Variants in IL17RD observed in about 807,000 individuals in gnomAD.
IL17RD encodes the protein interleukin-17 receptor D.
Under a neutral mutation model 80.5 loss-of-function variants are expected in IL17RD, and 52 were observed. The ratio of observed to expected loss-of-function variants is 0.65; its 90% CI spans 0.52 to 0.81. The LOEUF (loss-of-function observed/expected upper bound fraction) is 0.81. Among genes scored for constraint, IL17RD ranks in the 40% least tolerant of loss-of-function variants. IL17RD has a pLI of 0.00. For synonymous variants in IL17RD, 416 were observed against 391.8 expected (o/e 1.06, Z -0.73); for missense variants, 1,024 against 955.1 (o/e 1.07, Z -0.95).
chr3:57,100,195 T>C (rs1292072870), intron 11 of IL17RD, among the ~76,000 whole-genome samples: 2 of 152,238 alleles, frequency 1.3e-5, no homozygotes, highest in Non-Finnish European at 2.9e-5. Flanking sequence ...TGCCATTGGC[T>C]AGAGTGTAGT....
Position 57,106,004 on chromosome 3 carries a change from C to T in IL17RD, c.600G>A (p.Trp200Ter), listed in dbSNP as rs727505366. The change falls in exon 7 of 13, where the codon TGG becomes TGA. Residue 200 changes from tryptophan to a stop codon, truncating the protein, a stop_gained. Transcript: ENST00000296318. LOFTEE classifies it high-confidence loss of function. The part of the protein sequence containing the change: ...QPDNLACKPF[W>*]KPRNLNISQH... The stretch of plus-strand genomic sequence containing the variant: ...GGCTGATGTTCAGGTTCCGAGGCTT[C>T]CAGACTGGAAGAAGGTAGGACCCAG... The T allele has an allele frequency of 6.2e-7, 1 of 1,613,786 alleles. No homozygotes were observed. The highest frequency in any genetic ancestry group is 1.7e-5 in the Admixed American group (1 of 59,994).
At chr3:57,102,122 G>T (rs1216635065) in intron 10 of IL17RD, among the ~76,000 whole-genome samples, 1 of 152,078 alleles carries the variant, frequency 6.6e-6, no homozygotes, top group Non-Finnish European at 1.5e-5. Flanking sequence ...TTTAAAATTA[G>T]CCAGGCATGG....
chr3:57,095,800 A>C lies in IL17RD; in HGVS notation c.*593T>G, dbSNP rs1187127552. 6.5e-6 allele frequency: 1 copy of C among 153,156 alleles called. No homozygotes were observed. Among genetic ancestry groups the C allele is most frequent in the Non-Finnish European group, 1.5e-5 (1 of 68,754 alleles). The allele number at this position is 153,156 out of a possible 1,614,324, so 9.5% of individuals were successfully genotyped here. On this transcript the variant is annotated 3_prime_UTR_variant, in exon 13 of 13. Transcript: ENST00000296318. ...AGTCATGCCACCCAGTAACACAGAG[A>C]CTCATTTCATAAAAGGTGACTGTAT...
At chr3:57,145,729 A>C (rs1318293927) in intron 1 of IL17RD, among the ~76,000 whole-genome samples, 2 of 152,162 alleles carry the variant, frequency 1.3e-5, no homozygotes, top group Admixed American at 6.5e-5. Context: ...CACCTCAATA[A>C]AAATAATAGT....
chr3:57,120,381 G>A (rs1158804922), intron 1 of IL17RD, 68 bp from the exon 2 acceptor site: 1 of 1,113,936 alleles, frequency 9.0e-7, no homozygotes. Context: ...AAGCCCCATG[G>A]AGTCCAAATG....
Position 57,098,052 on chromosome 3 carries a change from G to A in IL17RD, c.1651C>T (p.Gln551Ter), listed in dbSNP as rs569976798. 4 of 1,613,898 alleles carry A rather than the reference G, an allele frequency of 2.5e-6. No individual in the cohort carries two copies. The highest frequency in any genetic ancestry group is 3.4e-6 in the Non-Finnish European group (4 of 1,179,910). ...CAGTCGGGCTCCTCGTCAATAAACT[G>A]GTGCATGTTGCAAATGGCGACGTAT... is the stretch of plus-strand genomic sequence containing the variant. ...SLYVAICNMH[Q>*]FIDEEPDWFE... The change falls in exon 12 of 13, where the codon CAG becomes TAG. Residue 551 changes from glutamine (Q) to a stop codon, truncating the protein, a stop_gained. Coordinates refer to ENST00000296318, the MANE Select transcript of IL17RD (RefSeq NM_017563.5). LOFTEE classifies it high-confidence loss of function.
intron 1 of IL17RD, among the ~76,000 whole-genome samples, chr3:57,152,825 G>A (rs2060236767): frequency 6.6e-6 from 1 of 152,148 alleles, no homozygotes. Context: ...CTGACTTGGA[G>A]GATACGTTTT....
chr3:57,114,616 G>A (rs140096857), intron 3 of IL17RD, 76 bp downstream of exon 3: 91 of 1,393,372 alleles, frequency 6.5e-5, no homozygotes, highest in Middle Eastern at 5.6e-4. Context: ...GGTTCCTGGA[G>A]ACCATCATGT....
At chr3:57,114,014 T>C (rs1184488839) in intron 3 of IL17RD, among the ~76,000 whole-genome samples, 1 of 151,746 alleles carries the variant, frequency 6.6e-6, no homozygotes, top group Non-Finnish European at 1.5e-5. Flanking sequence ...TGAAACCCCA[T>C]CTCTACTAAA....
chr3:57,134,597 GCAGGCTGAC>G (rs1033298086), intron 1 of IL17RD: 2 of 1,119,984 alleles, frequency 1.8e-6, no homozygotes, highest in Non-Finnish European at 2.7e-6. Context: ...ACAAGAAGCT[GCAGGCTGAC>G]CAGGCTAAGG....
intron 1 of IL17RD, among the ~76,000 whole-genome samples, chr3:57,152,490 C>T (rs566214760): frequency 5.3e-5 from 8 of 152,358 alleles, no homozygotes; most frequent in Admixed American, 6.5e-5. Flanking sequence ...GCTGAACAAA[C>T]GCCCGGCACA....
At chr3:57,124,688 T>C (rs1489484387) in intron 1 of IL17RD, among the ~76,000 whole-genome samples, 2 of 152,194 alleles carry the variant, frequency 1.3e-5, no homozygotes, top group Non-Finnish European at 2.9e-5. Context: ...AGAACTATAA[T>C]AAGACAATAA....
intron 10 of IL17RD, among the ~76,000 whole-genome samples, chr3:57,101,763 C>T (rs1706836557): frequency 6.6e-6 from 1 of 152,136 alleles, no homozygotes; most frequent in Non-Finnish European, 1.5e-5. Flanking sequence ...AAGTAAAGTA[C>T]ATAAATCTTA....
chr3:57,121,375 G>A (rs991078418), intron 1 of IL17RD, among the ~76,000 whole-genome samples: 1 of 152,134 alleles, frequency 6.6e-6, no homozygotes, highest in African/African-American at 2.4e-5. Flanking sequence ...TCTTCACGCT[G>A]CTTATCCTGA....
At chr3:57,151,101 T>C (rs568402958) in intron 1 of IL17RD, among the ~76,000 whole-genome samples, 2 of 152,364 alleles carry the variant, frequency 1.3e-5, no homozygotes, top group African/African-American at 2.4e-5. Flanking sequence ...CATTCATTAC[T>C]ATGCTATTCA....
chr3:57,121,464 G>C (rs1707336128), intron 1 of IL17RD, among the ~76,000 whole-genome samples: 1 of 152,028 alleles, frequency 6.6e-6, no homozygotes, highest in African/African-American at 2.4e-5. Flanking sequence ...GGGCAGAGAG[G>C]GGCACATGGA....
At position 57,096,430 on chromosome 3, in the gene IL17RD, C is replaced by A; in HGVS notation, c.2183G>T (p.Ser728Ile). 6.2e-7 allele frequency: 1 copy of A among 1,613,992 alleles called. No individual in the cohort carries two copies. The highest frequency in any genetic ancestry group is 8.5e-7 in the Non-Finnish European group (1 of 1,179,874). Reference protein sequence around the residue: ...GSCKADLGCRSYTDELHAVAP... With the variant: ...GSCKADLGCRIYTDELHAVAP... ...GACCGCGTGGAGTTCATCAGTGTAG[C>A]TGCGGCAACCAAGATCTGCTTTGCA... Residue 728 changes from serine to isoleucine, a missense_variant, in exon 13 of 13, where the codon AGC (serine) becomes ATC (isoleucine). Coordinates refer to ENST00000296318, the MANE Select transcript of IL17RD (RefSeq NM_017563.5).
chr3:57,114,679 T>G lies in IL17RD; in HGVS notation c.310+13A>C. 6.3e-7 allele frequency: 1 copy of G among 1,595,764 alleles called. No individual in the cohort carries two copies. The highest frequency in any genetic ancestry group is 1.3e-5 in the African/African-American group (1 of 74,282). On this transcript the variant is annotated intron_variant, in intron 3 of 12. Transcript: ENST00000296318. ...CCAGGTTATCACCATGCACTCGATT[T>G]TTGACCACTCACCGAGGGCCCCTGG...
At chr3:57,139,342 G>A (rs1238096389) in intron 1 of IL17RD, among the ~76,000 whole-genome samples, 2 of 151,872 alleles carry the variant, frequency 1.3e-5, no homozygotes, top group African/African-American at 4.8e-5. Context: ...ATGTCAAGAT[G>A]GATGTTTTCA....
Sources: allele counts gnomAD v4.1 joint callset (sites outside exome capture counted in the v4.1 genomes callset), GRCh38; gene constraint gnomAD v4.1.1; transcripts MANE v1.5; gene names NCBI Gene and HGNC (gene_info 2026-07-23, HGNC 2026-07-21).